Variants in ZNF500 observed in about 807,000 individuals in gnomAD.
The protein encoded by ZNF500 is zinc finger protein 500.
ZNF500 carries 31 observed loss-of-function variants against 30.1 expected under a neutral mutation model. The ratio of observed to expected loss-of-function variants is 1.03; its 90% CI spans 0.77 to 1.39. The LOEUF (loss-of-function observed/expected upper bound fraction) is 1.39. Among genes scored for constraint, ZNF500 ranks in the 40% most tolerant of loss-of-function variants. The probability of loss-of-function intolerance (pLI) is 0.00; values close to 1 mark genes in which losing one functional copy is unlikely to be tolerated. For synonymous variants in ZNF500, 392 were observed against 282.0 expected (o/e 1.39, Z -3.91); for missense variants, 817 against 657.8 (o/e 1.24, Z -2.65).
rs2082076813 is a variant in ZNF500 at position 4,751,466 on chromosome 16, C to A, written c.*910G>T. ...AGGGGTGCTTTCCCGCCCCAGGTGT[C>A]TTCCGCCCTGCAGAGCAGCTATGGA... On this transcript the variant is annotated 3_prime_UTR_variant, in exon 6 of 6. Transcript: ENST00000219478. 9.8e-6 allele frequency: 11 copies of A among 1,118,458 alleles called. No homozygotes were observed. Among genetic ancestry groups the A allele is most frequent in the Non-Finnish European group, 1.4e-5 (11 of 810,258 alleles). The allele number at this position is 1,118,458 out of a possible 1,614,324, so 69.3% of individuals were successfully genotyped here. A position where few individuals can be genotyped will look rare whatever the true frequency, so the allele number is the denominator to read the frequency against.
intron 5 of ZNF500, among the ~76,000 whole-genome samples, chr16:4,758,974 C>T (rs577601968): frequency 1.3e-5 from 2 of 152,168 alleles, no homozygotes; most frequent in African/African-American, 2.4e-5. Flanking sequence ...CTTAGGGAGG[C>T]TGAGGCAGGC....
downstream of ZNF500, chr16:4,746,921 C>A (rs761296221): frequency 1.9e-6 from 3 of 1,549,266 alleles, no homozygotes; most frequent in African/African-American, 1.4e-5. Flanking sequence ...ATTTCTCTCC[C>A]TGCAGCTCCA....
In ZNF500 at chr16:4,752,250, G is replaced by A; in HGVS notation, c.*126C>T. 2 of 1,427,746 alleles carry A rather than the reference G, an allele frequency of 1.4e-6. No individual in the cohort carries two copies. Among genetic ancestry groups the A allele is most frequent in the Non-Finnish European group, 1.8e-6 (2 of 1,096,752 alleles). The allele number at this position is 1,427,746 out of a possible 1,614,324, so 88.4% of individuals were successfully genotyped here. On this transcript the variant is annotated 3_prime_UTR_variant, in exon 6 of 6. Coordinates refer to ENST00000219478, the MANE Select transcript of ZNF500 (RefSeq NM_021646.4). ...CTGGGCATCCCAAATGTCCCCTGCT[G>A]GCCTCATACTGGGCCATGGGAGGAA...
At chr16:4,759,210 A>C (rs546659880) in intron 5 of ZNF500, among the ~76,000 whole-genome samples, 1 of 146,452 alleles carries the variant, frequency 6.8e-6, no homozygotes, top group African/African-American at 2.7e-5. Flanking sequence ...GCAAGACTTC[A>C]TCTCAAAAAA....
At chr16:4,764,680 G>A (rs2082243230) in intron 2 of ZNF500, among the ~76,000 whole-genome samples, 1 of 151,536 alleles carries the variant, frequency 6.6e-6, no homozygotes, top group Non-Finnish European at 1.5e-5. Flanking sequence ...TGCTGAGGAG[G>A]CTGAGGCAGG....
rs752065259 is a variant in ZNF500 at position 4,751,455 on chromosome 16, G to A, written c.*921C>T. ...AGATGGAACTCAGGGGTGCTTTCCC[G>A]CCCCAGGTGTCTTCCGCCCTGCAGA... On this transcript the variant is annotated 3_prime_UTR_variant, in exon 6 of 6. Transcript: ENST00000219478. 31 of 957,252 alleles carry A rather than the reference G, an allele frequency of 3.2e-5. No homozygotes were observed. Among genetic ancestry groups the A allele is most frequent in the Middle Eastern group, 3.4e-4 (1 of 2,970 alleles). The allele number at this position is 957,252 out of a possible 1,614,324, so 59.3% of individuals were successfully genotyped here.
chr16:4,751,242 C>T lies in ZNF500; in HGVS notation c.*1134G>A, dbSNP rs1003859807. On this transcript the variant is annotated 3_prime_UTR_variant, in exon 6 of 6. Coordinates refer to ENST00000219478, the MANE Select transcript of ZNF500 (RefSeq NM_021646.4). ...CTCACCCACCGTGGATGTGCACAGA[C>T]CAGTGGCTCCCACGCAGCACAGGCC... is the stretch of plus-strand genomic sequence containing the variant. The T allele has an allele frequency of 1.1e-5, 3 of 271,546 alleles. No individual in the cohort carries two copies. Among genetic ancestry groups the T allele is most frequent in the Non-Finnish European group, 2.1e-5 (3 of 141,602 alleles). The allele number at this position is 271,546 out of a possible 1,614,324, so 16.8% of individuals were successfully genotyped here.
At chr16:4,747,709 TC>T, downstream of ZNF500, 1 of 1,450,962 alleles carries the variant, frequency 6.9e-7, no homozygotes. Context: ...CCCTTGTTGT[TC>T]CTGCATTTCC....
rs61199915 is a variant in ZNF500 at position 4,762,240 on chromosome 16, G to A, written c.663+31C>T. ...ACACAGGAGGTCGGGCCAGACCCCA[G>A]GATGCTGCAGACCAGGAGCATCCCA... On this transcript the variant is annotated intron_variant, in intron 4 of 5. Transcript: ENST00000219478. 3.0e-3 allele frequency: 4,888 copies of A among 1,606,186 alleles called. 136 individuals are homozygous for A. In the African/African-American group the frequency reaches 0.059, roughly 19 times the overall value.
chr16:4,765,104 C>G (rs1227492167), intron 2 of ZNF500, among the ~76,000 whole-genome samples: 1 of 152,082 alleles, frequency 6.6e-6, no homozygotes, highest in South Asian at 2.1e-4. Flanking sequence ...AGTTCAAGAC[C>G]AGTCTGGGCA....
intron 5 of ZNF500, chr16:4,756,530 T>A (rs1293891224): frequency 6.6e-6 from 1 of 151,556 alleles, no homozygotes; most frequent in African/African-American, 2.4e-5. Context: ...ACAGTGAGAC[T>A]CCATCTCTAT....
Position 4,765,969 on chromosome 16 carries a change from C to T in ZNF500, c.10G>A (p.Val4Ile). Residue 4 changes from valine (V) to isoleucine (I), a missense_variant, in exon 2 of 6, where the codon GTC (valine) becomes ATC (isoleucine). Val to Ile is a conservative substitution (Grantham distance 29, BLOSUM62 3). Coordinates refer to ENST00000219478, the MANE Select transcript of ZNF500 (RefSeq NM_021646.4). MAT[V>I]PGLQPLPTLE... Reference sequence around the variant, plus strand: ...GTTGGCAGGGGCTGGAGGCCAGGGACAGTGGCCATTGCTTCCGGTGGGCCT... The same window carrying T: ...GTTGGCAGGGGCTGGAGGCCAGGGATAGTGGCCATTGCTTCCGGTGGGCCT... 28 of 1,562,588 alleles carry T rather than the reference C, an allele frequency of 1.8e-5. No individual in the cohort carries two copies. The highest frequency in any genetic ancestry group is 2.4e-5 in the Non-Finnish European group (28 of 1,157,798).
intron 1 of ZNF500, 185 bp downstream of exon 1, chr16:4,766,832 A>T (rs1429789329): frequency 6.6e-6 from 1 of 152,254 alleles, no homozygotes; most frequent in Admixed American, 6.5e-5. Context: ...GTGGGTGGTC[A>T]CGACAGCCCC....
At chr16:4,766,761 C>T (rs1014434630) in intron 1 of ZNF500, among the ~76,000 whole-genome samples, 3 of 152,226 alleles carry the variant, frequency 2.0e-5, no homozygotes, top group Admixed American at 1.3e-4. Flanking sequence ...TCAACTTGAT[C>T]CCCGGTGTCC....
rs556400051 is a variant in ZNF500 at position 4,752,333 on chromosome 16, C to A, written c.*43G>T. ...GTCTAGCAGTTTCCTGAATTCTGTG[C>A]CCAGGGATGAGAGTCCTGGAAAGGG... is the stretch of plus-strand genomic sequence containing the variant. On this transcript the variant is annotated 3_prime_UTR_variant, in exon 6 of 6. Coordinates refer to ENST00000219478, the MANE Select transcript of ZNF500 (RefSeq NM_021646.4). The A allele has an allele frequency of 4.2e-6, 6 of 1,444,966 alleles. No individual in the cohort carries two copies. Among genetic ancestry groups the A allele is most frequent in the Non-Finnish European group, 5.4e-6 (6 of 1,104,074 alleles). The allele number at this position is 1,444,966 out of a possible 1,614,324, so 89.5% of individuals were successfully genotyped here.
At chr16:4,756,174 G>A (rs998389416) in intron 5 of ZNF500, among the ~76,000 whole-genome samples, 3 of 152,178 alleles carry the variant, frequency 2.0e-5, no homozygotes, top group Non-Finnish European at 4.4e-5. Flanking sequence ...GATGCGGGCT[G>A]ATCATTTGAC....
Position 4,762,643 on chromosome 16 carries a change from G to T in ZNF500, c.528C>A (p.Phe176Leu). The T allele has an allele frequency of 6.2e-7, 1 of 1,614,130 alleles. No homozygotes were observed. The highest frequency in any genetic ancestry group is 8.5e-7 in the Non-Finnish European group (1 of 1,180,004). The change falls in exon 3 of 6, where the codon TTC becomes TTA. Residue 176 changes from phenylalanine (F) to leucine (L), a missense_variant. By Grantham distance (22) the Phe-to-Leu change is conservative. Coordinates refer to ENST00000219478, the MANE Select transcript of ZNF500 (RefSeq NM_021646.4). ...EDLSLEEEAR[F>L]SSQQPPAQLS... Reference sequence around the variant, plus strand: ...GCTGGGCTGGGGGCTGCTGGCTGGAGAATCGAGCCTCTTCCTCCAGGGACA... The same window carrying T: ...GCTGGGCTGGGGGCTGCTGGCTGGATAATCGAGCCTCTTCCTCCAGGGACA...
At chr16:4,744,352 T>C (rs1009134337), downstream of ZNF500, among the ~76,000 whole-genome samples, 3 of 152,344 alleles carry the variant, frequency 2.0e-5, no homozygotes, top group South Asian at 6.2e-4. Context: ...TGCTGCAGTG[T>C]TGTTTAAAAA....
downstream of ZNF500, chr16:4,747,225 T>C (rs759989): frequency 0.62 from 829,652 of 1,341,252 alleles, 258,604 homozygotes; most frequent in East Asian, 0.69. Flanking sequence ...GCTGCCTGAA[T>C]TGCATTCTTG....
Sources: allele counts gnomAD v4.1 joint callset (sites outside exome capture counted in the v4.1 genomes callset), GRCh38; gene constraint gnomAD v4.1.1; transcripts MANE v1.5; gene names NCBI Gene and HGNC (gene_info 2026-07-23, HGNC 2026-07-21).